AGTPBP1: variants seen among roughly 807,000 people sequenced by gnomAD.
AGTPBP1 encodes the protein cytosolic carboxypeptidase 1.
In AGTPBP1, 70 loss-of-function variants were observed where a neutral mutation model predicts 143.9. That is an observed-to-expected ratio of 0.49 (90% CI 0.40 to 0.59). The LOEUF is 0.59. AGTPBP1 is among the 20% of genes least tolerant of loss of function. The pLI is 0.00. For missense variants in AGTPBP1, 1,229 were observed against 1,464.5 expected (o/e 0.84, Z 2.62); for synonymous variants, 463 against 500.2 (o/e 0.93, Z 0.99).
At chr9:85,701,149 T>C (rs1177754988) in intron 2 of AGTPBP1, among the ~76,000 whole-genome samples, 1 of 151,974 alleles carries the variant, frequency 6.6e-6, no homozygotes, top group Non-Finnish European at 1.5e-5. Flanking sequence ...TGGCCTCAAG[T>C]GATCCACTCA....
At chr9:85,560,430 A>G (rs1307025602) in intron 25 of AGTPBP1, among the ~76,000 whole-genome samples, 1 of 152,240 alleles carries the variant, frequency 6.6e-6, no homozygotes, top group Admixed American at 6.5e-5. Context: ...GATGCTTCAG[A>G]GAGGCTACTC....
chr9:85,611,142 T>C (rs1830287956), intron 17 of AGTPBP1, among the ~76,000 whole-genome samples: 1 of 142,448 alleles, frequency 7.0e-6, no homozygotes, highest in Admixed American at 7.4e-5. Flanking sequence ...TATCTTGTGG[T>C]TTAGGGGCTT....
At chr9:85,634,244 T>A (rs1831885777) in intron 13 of AGTPBP1, among the ~76,000 whole-genome samples, 2 of 146,476 alleles carry the variant, frequency 1.4e-5, no homozygotes, top group East Asian at 4.0e-4. Context: ...GGATGTAATG[T>A]GGATTGGGAG....
At chr9:85,639,365 G>GCACACA (rs1464649514) in intron 13 of AGTPBP1, among the ~76,000 whole-genome samples, 4 of 105,586 alleles carry the variant, frequency 3.8e-5, no homozygotes, top group Non-Finnish European at 7.5e-5. Flanking sequence ...GCGCGCGCAC[G>GCACACA]CGCACACACA....
At chr9:85,605,205 G>A (rs529517717) in intron 17 of AGTPBP1, among the ~76,000 whole-genome samples, 1 of 152,014 alleles carries the variant, frequency 6.6e-6, no homozygotes, top group Non-Finnish European at 1.5e-5. Flanking sequence ...AACTCCTAAA[G>A]GTCAAGGATA....
intron 17 of AGTPBP1, among the ~76,000 whole-genome samples, chr9:85,609,055 G>A (rs1830154798): frequency 6.6e-6 from 1 of 152,066 alleles, no homozygotes; most frequent in African/African-American, 2.4e-5. Context: ...CAAGAATAAA[G>A]CCTGTGTTAT....
At chr9:85,553,294 G>GTAA (rs1826138557) in intron 25 of AGTPBP1, among the ~76,000 whole-genome samples, 2 of 152,190 alleles carry the variant, frequency 1.3e-5, no homozygotes, top group South Asian at 4.1e-4. Context: ...TCCCTGACTT[G>GTAA]TAATAGTTCA....
chr9:85,790,066 AT>A, the AGTPBP1 span, among the ~76,000 whole-genome samples: 2 of 152,226 alleles, frequency 1.3e-5, no homozygotes, highest in African/African-American at 4.8e-5. Context: ...AAAAAAATTC[AT>A]TATGTATATT....
intron 1 of AGTPBP1, among the ~76,000 whole-genome samples, chr9:85,732,520 C>T (rs1838959137): frequency 6.6e-6 from 1 of 152,008 alleles, no homozygotes; most frequent in African/African-American, 2.4e-5. Flanking sequence ...AACCCAAAGT[C>T]AGCTCCAGCT....
At chr9:85,589,863 T>C (rs1828847380) in intron 19 of AGTPBP1, among the ~76,000 whole-genome samples, 182 bp from the exon 20 acceptor site, 1 of 152,046 alleles carries the variant, frequency 6.6e-6, no homozygotes, top group African/African-American at 2.4e-5. Flanking sequence ...ACAGGCAATA[T>C]ATTGTTTAAA....
chr9:85,621,983 A>G (rs146959359), intron 14 of AGTPBP1, among the ~76,000 whole-genome samples: 20 of 152,330 alleles, frequency 1.3e-4, no homozygotes, highest in Admixed American at 5.2e-4. Context: ...AAGGAAGACA[A>G]TAATCACCAA....
chr9:85,647,365 T>A (rs685050), intron 11 of AGTPBP1, among the ~76,000 whole-genome samples: 76,719 of 152,100 alleles, frequency 0.5, 22,084 homozygotes, highest in East Asian at 0.87. Flanking sequence ...ATATTGGACA[T>A]GCTTGGTGTA....
chr9:85,618,070 T>C (rs2133512640), intron 17 of AGTPBP1, among the ~76,000 whole-genome samples: 1 of 152,126 alleles, frequency 6.6e-6, no homozygotes, highest in South Asian at 2.1e-4. Context: ...TGAAACCCCA[T>C]CTCTACTAAA....
chr9:85,666,886 A>T (rs1266264277), intron 8 of AGTPBP1, among the ~76,000 whole-genome samples: 2 of 152,122 alleles, frequency 1.3e-5, no homozygotes, highest in Non-Finnish European at 2.9e-5. Context: ...TCATACACAC[A>T]CTACTACATT....
intron 13 of AGTPBP1, among the ~76,000 whole-genome samples, chr9:85,638,358 TAA>T (rs965140712): frequency 5.3e-5 from 8 of 150,794 alleles, no homozygotes; most frequent in Admixed American, 5.3e-4. Flanking sequence ...TTGATTAAAA[TAA>T]AAAAAAGACT....
Position 85,632,845 on chromosome 9 carries a change from A to T in AGTPBP1, c.1832T>A (p.Val611Glu). The change falls in exon 14 of 26, where the codon GTA (valine) becomes GAA (glutamate). Residue 611 changes from valine (V) to glutamate (E), a missense_variant. Val to Glu is a moderately radical substitution (Grantham distance 121). Transcript: ENST00000357081. ...AGGTACTTCAACCGATGCTTGTTCT[A>T]CCGATGAATTTGACTCAGTATCTTC... is the stretch of plus-strand genomic sequence containing the variant. ...DDEDTESNSS[V>E]EQASVEVPDG... 2 of 1,614,176 alleles carry T rather than the reference A, an allele frequency of 1.2e-6. No homozygotes were observed. Among genetic ancestry groups the T allele is most frequent in the Non-Finnish European group, 1.7e-6 (2 of 1,180,028 alleles).
chr9:85,685,319 G>C (rs1326138829), intron 3 of AGTPBP1, among the ~76,000 whole-genome samples: 1 of 151,586 alleles, frequency 6.6e-6, no homozygotes, highest in Non-Finnish European at 1.5e-5. Context: ...AGTCAAACTT[G>C]AAAAGCAAAA....
At chr9:85,601,610 G>C (rs1001104346) in intron 17 of AGTPBP1, among the ~76,000 whole-genome samples, 4 of 152,158 alleles carry the variant, frequency 2.6e-5, no homozygotes, top group Non-Finnish European at 5.9e-5. Context: ...AGGAGGCAGA[G>C]GGTTGTCCCA....
intron 13 of AGTPBP1, among the ~76,000 whole-genome samples, chr9:85,642,562 G>A (rs1406351722): frequency 2.0e-5 from 3 of 151,302 alleles, no homozygotes. Context: ...TTGATCTCCT[G>A]ACCTCGTGAT....
Sources: gnomAD v4.1 joint callset for allele counts (sites outside exome capture counted in the v4.1 genomes callset) on GRCh38, gnomAD v4.1.1 for gene constraint, MANE v1.5 for transcripts, NCBI Gene and HGNC (gene_info 2026-07-23, HGNC 2026-07-21) for gene names.